The following ALS2 variants were observed in gnomAD, a reference collection of about 807,000 sequenced individuals.
The protein encoded by ALS2 is alsin Rho guanine nucleotide exchange factor ALS2, also known as alsin.
Under a neutral mutation model 203.4 loss-of-function variants are expected in ALS2, and 117 were observed. That is an observed-to-expected ratio of 0.58 (90% CI 0.50 to 0.67). The LOEUF (loss-of-function observed/expected upper bound fraction) is 0.67. Among genes scored for constraint, ALS2 ranks in the 30% least tolerant of loss-of-function variants. The pLI is 0.00. For missense variants in ALS2, 1,715 were observed against 1,989.4 expected, an observed-to-expected ratio of 0.86 and a Z score of 2.62; for synonymous variants, 718 against 725.9, an observed-to-expected ratio of 0.99 and a Z score of 0.17.
intron 11 of ALS2, 32 bp from the exon 12 acceptor site, chr2:201,738,767 G>C: frequency 6.4e-7 from 1 of 1,554,050 alleles, no homozygotes. Flanking sequence ...ATGTACATTA[G>C]TTGAAATGTA....
intron 27 of ALS2, among the ~76,000 whole-genome samples, chr2:201,709,446 A>T (rs1574664046): frequency 6.6e-6 from 1 of 152,242 alleles, no homozygotes. Context: ...TATTACATAG[A>T]AACGCTCCAT....
At chr2:201,710,943 G>C in intron 26 of ALS2, 48 bp downstream of exon 26, 1 of 1,093,086 alleles carries the variant, frequency 9.1e-7, no homozygotes, top group Non-Finnish European at 1.4e-6. Flanking sequence ...TATTGTGGTA[G>C]GTGAATCATT....
At chr2:201,751,792 T>C (rs73055609) in intron 7 of ALS2, among the ~76,000 whole-genome samples, 49 of 152,282 alleles carry the variant, frequency 3.2e-4, no homozygotes, top group African/African-American at 1.2e-3. Context: ...TAGTTTTTAA[T>C]GACATCATTA....
chr2:201,749,653 G>C, intron 8 of ALS2, 59 bp downstream of exon 8: 1 of 1,351,416 alleles, frequency 7.4e-7, no homozygotes, highest in South Asian at 1.2e-5. Context: ...AAATGGAGAA[G>C]TATAAGGTGT....
intron 9 of ALS2, among the ~76,000 whole-genome samples, chr2:201,745,127 T>C (rs75670337): frequency 0.017 from 2,580 of 152,352 alleles, 30 homozygotes; most frequent in Middle Eastern, 0.058. Flanking sequence ...TTTGATCGTC[T>C]ATCTAGACTG....
Position 201,700,645 on chromosome 2 carries a change from A to G in ALS2, c.*1206T>C, listed in dbSNP as rs1381400950. On this transcript the variant is annotated 3_prime_UTR_variant, in exon 34 of 34. Coordinates refer to ENST00000264276, the MANE Select transcript of ALS2 (RefSeq NM_020919.4). ...TAATAAACACTTGTCTTGATTATAAAGTAGAGCAAAAACCATGATCCTTTT... is the reference window on the plus strand; with the variant it reads ...TAATAAACACTTGTCTTGATTATAAGGTAGAGCAAAAACCATGATCCTTTT... 1 of 152,688 alleles carries G rather than the reference A, an allele frequency of 6.5e-6. No individual in the cohort carries two copies. The highest frequency in any genetic ancestry group is 1.5e-5 in the Non-Finnish European group (1 of 68,050). 9.5% of individuals were successfully genotyped at this position (152,688 alleles called of 1,614,324 possible).
chr2:201,741,440 T>A (rs2106043322), intron 11 of ALS2: 1 of 480,002 alleles, frequency 2.1e-6, no homozygotes, highest in African/African-American at 1.9e-5. Context: ...GCTATCACTC[T>A]GCTAGAATAT....
At chr2:201,723,161 A>G (rs776786062) in intron 22 of ALS2, 41 bp from the exon 23 acceptor site, 8 of 1,541,058 alleles carry the variant, frequency 5.2e-6, no homozygotes, top group Middle Eastern at 1.7e-4. Flanking sequence ...CACATAAAAT[A>G]CAGAGTAACT....
intron 8 of ALS2, among the ~76,000 whole-genome samples, chr2:201,748,249 C>A (rs1692799231): frequency 6.6e-6 from 1 of 152,060 alleles, no homozygotes; most frequent in South Asian, 2.1e-4. Context: ...TAGCAGTCTT[C>A]TTCTGGCATG....
intron 9 of ALS2, among the ~76,000 whole-genome samples, chr2:201,745,615 G>A (rs1692582312): frequency 6.6e-6 from 1 of 152,072 alleles, no homozygotes; most frequent in African/African-American, 2.4e-5. Context: ...TGGGAAAGCA[G>A]ATCAAATAAA....
chr2:201,744,128 TACAC>T, intron 10 of ALS2, 126 bp downstream of exon 10: 1 of 1,034,150 alleles, frequency 9.7e-7, no homozygotes, highest in Middle Eastern at 2.3e-4. Flanking sequence ...ACTACCTGTG[TACAC>T]ACACACAAAG....
intron 4 of ALS2, chr2:201,759,679 C>T (rs1693640693): frequency 2.0e-6 from 2 of 984,546 alleles, no homozygotes; most frequent in Non-Finnish European, 2.4e-6. Flanking sequence ...ATTCAAATAC[C>T]CACAAGTTTC....
intron 8 of ALS2, among the ~76,000 whole-genome samples, chr2:201,747,921 A>C (rs1470142008): frequency 6.6e-6 from 1 of 152,094 alleles, no homozygotes; most frequent in Non-Finnish European, 1.5e-5. Context: ...TCCTTAACCA[A>C]AGTAGTTCCT....
chr2:201,706,378 T>A (rs752140536), intron 29 of ALS2, among the ~76,000 whole-genome samples: 4 of 119,066 alleles, frequency 3.4e-5, no homozygotes, highest in Non-Finnish European at 5.4e-5. Flanking sequence ...AGAGTGAAAC[T>A]CTCTTTCAAA....
chr2:201,775,554 CCAA>C (rs1316888824), intron 1 of ALS2, among the ~76,000 whole-genome samples: 8 of 152,092 alleles, frequency 5.3e-5, no homozygotes, highest in African/African-American at 1.7e-4. Context: ...AATCTATACA[CCAA>C]CAACAACTGC....
Position 201,760,832 on chromosome 2 carries a change from T to C in ALS2, c.1113+49A>G, listed in dbSNP as rs759660520. ...TTTAAAGTTTCTAAAGAAAAGCCCA[T>C]ACAGTTCAACTCTAGACACACTTTT... On this transcript the variant is annotated intron_variant, in intron 4 of 33. Transcript: ENST00000264276. 7.7e-6 allele frequency: 12 copies of C among 1,567,296 alleles called. No individual in the cohort carries two copies. The South Asian group carries it at 8.4e-5, about 11-fold the overall frequency.
chr2:201,710,151 A>G, intron 26 of ALS2, 113 bp from the exon 27 acceptor site: 1 of 1,290,058 alleles, frequency 7.8e-7, no homozygotes, highest in South Asian at 1.2e-5. Flanking sequence ...GTCAAGAGTC[A>G]ATTTTGGGAC....
chr2:201,721,659 C>T (rs2105994816), intron 23 of ALS2, among the ~76,000 whole-genome samples: 1 of 141,816 alleles, frequency 7.1e-6, no homozygotes, highest in East Asian at 2.4e-4. Flanking sequence ...AAAGGCAAAA[C>T]TATAAAACTT....
chr2:201,744,396 C>T lies in ALS2; in HGVS notation c.2032G>A (p.Asp678Asn). 6.2e-7 allele frequency: 1 copy of T among 1,614,096 alleles called. No individual in the cohort carries two copies. Residue 678 changes from aspartate (D) to asparagine (N), a missense_variant, in exon 10 of 34, where the codon GAT becomes AAT. Physicochemically the swap from Asp to Asn is conservative, Grantham distance 23. Transcript: ENST00000264276. ...TTATCCACCAAGGCTAAATAGCTAT[C>T]TTTTCCTGCTGTCACTCTGCTTATA... is the stretch of plus-strand genomic sequence containing the variant. ...GYISRVTAGK[D>N]SYLALVDKNI...
Sources: gnomAD v4.1 joint callset for allele counts (sites outside exome capture counted in the v4.1 genomes callset) on GRCh38, gnomAD v4.1.1 for gene constraint, MANE v1.5 for transcripts, NCBI Gene and HGNC (gene_info 2026-07-23, HGNC 2026-07-21) for gene names.